The following KLF8 variants were observed in gnomAD, a reference collection of about 807,000 sequenced individuals.
KLF8 encodes Krueppel-like factor 8.
KLF8 carries 10 observed loss-of-function variants against 18.2 expected under a neutral mutation model. That is an observed-to-expected ratio of 0.55 (90% CI 0.34 to 0.93). KLF8 has a LOEUF of 0.93. Among genes scored for constraint, KLF8 ranks in the 40% least tolerant of loss-of-function variants. The pLI, the probability that KLF8 is intolerant of heterozygous loss-of-function variation, is 0.02. For missense variants in KLF8, 264 were observed against 277.9 expected, an observed-to-expected ratio of 0.95 and a Z score of 0.36; for synonymous variants, 109 against 97.3, an observed-to-expected ratio of 1.12 and a Z score of -0.71.
At chrX:56,195,328 A>G in the KLF8 span, among the ~76,000 whole-genome samples, 1 of 111,602 alleles carries the variant, frequency 9.0e-6, no homozygotes, top group African/African-American at 3.3e-5. Context: ...GGAAGCTAAA[A>G]CCCTTGAAAA....
intron 2 of KLF8, among the ~76,000 whole-genome samples, chrX:56,258,939 G>A (rs1206063226): frequency 9.0e-6 from 1 of 111,256 alleles, no homozygotes; most frequent in Admixed American, 9.6e-5. Flanking sequence ...CAAAAGTTAG[G>A]ACTAGTGGGT....
the KLF8 span, among the ~76,000 whole-genome samples, chrX:55,952,454 G>A: frequency 1.4e-4 from 16 of 111,737 alleles, no homozygotes; most frequent in Non-Finnish European, 2.6e-4. Context: ...ATGGCTCTAG[G>A]GAATAATTTG....
chrX:56,242,815 C>G (rs2066564385), intron 1 of KLF8: 1 of 271,999 alleles, frequency 3.7e-6, no homozygotes, highest in African/African-American at 2.8e-5. Context: ...TTTGCCCCCA[C>G]TTCCTTTTCT....
intron 1 of KLF8, among the ~76,000 whole-genome samples, chrX:56,238,338 G>A (rs1474380429): frequency 9.0e-6 from 1 of 110,970 alleles, no homozygotes; most frequent in Admixed American, 9.6e-5. Flanking sequence ...AGCCGGGTGT[G>A]GTGGTGCATG....
the KLF8 span, among the ~76,000 whole-genome samples, chrX:55,939,184 C>T: frequency 1.8e-5 from 2 of 111,700 alleles, no homozygotes; most frequent in South Asian, 7.7e-4. Flanking sequence ...TCTCTCAGAC[C>T]ACAGTGCAAT....
intron 3 of KLF8, chrX:56,267,236 T>C: frequency 2.7e-6 from 2 of 737,007 alleles, no homozygotes; most frequent in African/African-American, 4.6e-5. Flanking sequence ...TCTGTATTAG[T>C]TCGTTTTCAT....
At chrX:56,044,120 A>T in the KLF8 span, among the ~76,000 whole-genome samples, 1 of 111,647 alleles carries the variant, frequency 9.0e-6, no homozygotes, top group African/African-American at 3.3e-5. Context: ...TTTCTTCTGT[A>T]CCTGGAGGTA....
chrX:56,030,642 G>A, the KLF8 span, among the ~76,000 whole-genome samples: 2 of 108,753 alleles, frequency 1.8e-5, no homozygotes, highest in Admixed American at 2.0e-4. Flanking sequence ...CTGTAAGCGA[G>A]CCACCAAGGG....
At chrX:56,159,581 T>C in the KLF8 span, among the ~76,000 whole-genome samples, 1 of 112,489 alleles carries the variant, frequency 8.9e-6, no homozygotes, top group Non-Finnish European at 1.9e-5. Flanking sequence ...TATTGGTCCA[T>C]TCAGAGATTC....
At chrX:56,197,067 C>A in the KLF8 span, among the ~76,000 whole-genome samples, 1 of 111,239 alleles carries the variant, frequency 9.0e-6, no homozygotes, top group Admixed American at 9.6e-5. Context: ...ACACAATGTA[C>A]CAGAATATCA....
At chrX:56,155,453 T>G in the KLF8 span, among the ~76,000 whole-genome samples, 2 of 110,230 alleles carry the variant, frequency 1.8e-5, no homozygotes, top group African/African-American at 6.6e-5. Context: ...CGGGGCCTGT[T>G]GTGGGGTGGA....
At chrX:56,196,200 C>A in the KLF8 span, among the ~76,000 whole-genome samples, 1 of 111,327 alleles carries the variant, frequency 9.0e-6, no homozygotes, top group Admixed American at 9.6e-5. Context: ...CAACTAACAT[C>A]ATAATGACAG....
chrX:56,183,324 C>T, the KLF8 span, among the ~76,000 whole-genome samples: 1 of 112,088 alleles, frequency 8.9e-6, no homozygotes, highest in South Asian at 3.7e-4. Flanking sequence ...TGGAAAAGTG[C>T]AGTATTAGGG....
At chrX:56,167,301 T>C in the KLF8 span, among the ~76,000 whole-genome samples, 2 of 110,951 alleles carry the variant, frequency 1.8e-5, no homozygotes, top group African/African-American at 6.6e-5. Context: ...CAGCTACCTT[T>C]TGTATTTTTA....
chrX:56,058,217 C>T, the KLF8 span, among the ~76,000 whole-genome samples: 4 of 42,327 alleles, frequency 9.5e-5, no homozygotes, highest in East Asian at 6.3e-4. Flanking sequence ...CATATATATA[C>T]GTGTATATAT....
the KLF8 span, among the ~76,000 whole-genome samples, chrX:56,022,114 G>C: frequency 9.0e-6 from 1 of 111,217 alleles, no homozygotes; most frequent in African/African-American, 3.3e-5. Flanking sequence ...AGTGAAAATG[G>C]TGCAGTGAAA....
intron 1 of KLF8, among the ~76,000 whole-genome samples, chrX:56,235,453 G>A (rs2066462520): frequency 2.3e-5 from 2 of 86,856 alleles, no homozygotes; most frequent in Admixed American, 2.8e-4. Flanking sequence ...TTTCGCCCTT[G>A]TTGCCCAGGC....
the KLF8 span, among the ~76,000 whole-genome samples, chrX:56,145,747 A>T: frequency 1.8e-4 from 20 of 112,108 alleles, no homozygotes; most frequent in African/African-American, 6.5e-4. Context: ...AAAATATAAT[A>T]AAAAAAGAAC....
At chrX:56,279,386 T>C (rs951860288) in intron 5 of KLF8, among the ~76,000 whole-genome samples, 14 of 111,814 alleles carry the variant, frequency 1.3e-4, no homozygotes, top group African/African-American at 4.6e-4. Context: ...AGTGATGAAG[T>C]CTGAACTTTT....
Sources: allele counts gnomAD v4.1 joint callset (sites outside exome capture counted in the v4.1 genomes callset), GRCh38; gene constraint gnomAD v4.1.1; transcripts MANE v1.5; gene names NCBI Gene and HGNC (gene_info 2026-07-23, HGNC 2026-07-21).